SYN2: variants seen among roughly 807,000 people sequenced by gnomAD.
SYN2 encodes synapsin-2.
Under a neutral mutation model 50.9 loss-of-function variants are expected in SYN2, and 19 were observed. The observed-to-expected ratio is 0.37, with a 90% CI of 0.26 to 0.55. SYN2 has a LOEUF of 0.55. Ranked by LOEUF, SYN2 falls within the 20% of genes least tolerant of loss-of-function variation. The probability of loss-of-function intolerance (pLI) is 0.81; values close to 1 mark genes in which losing one functional copy is unlikely to be tolerated. For missense variants in SYN2, 587 were observed against 576.4 expected, an observed-to-expected ratio of 1.02 and a Z score of -0.19; for synonymous variants, 255 against 224.9, an observed-to-expected ratio of 1.13 and a Z score of -1.20.
intron 1 of SYN2, among the ~76,000 whole-genome samples, chr3:12,055,431 G>A (rs1229570933): frequency 6.6e-6 from 1 of 152,050 alleles, no homozygotes; most frequent in Non-Finnish European, 1.5e-5. Flanking sequence ...GCTCCATTTT[G>A]TGAAGTTATC....
chr3:12,106,001 C>T (rs188475564), intron 1 of SYN2, among the ~76,000 whole-genome samples: 26 of 152,294 alleles, frequency 1.7e-4, no homozygotes, highest in Admixed American at 1.7e-3. Context: ...TTCTTAGAAT[C>T]TCACAAGGGT....
chr3:12,098,389 T>A (rs1290176354), intron 1 of SYN2, among the ~76,000 whole-genome samples: 1 of 152,146 alleles, frequency 6.6e-6, no homozygotes. Context: ...GCATACAATA[T>A]ATAAAAATAC....
At chr3:12,024,755 C>A (rs1383983877) in intron 1 of SYN2, among the ~76,000 whole-genome samples, 1 of 152,148 alleles carries the variant, frequency 6.6e-6, no homozygotes, top group Non-Finnish European at 1.5e-5. Context: ...AATTTTTGTA[C>A]ATGATGTTGG....
Position 12,156,789 on chromosome 3 carries a change from A to G in SYN2, c.775-4757A>G, listed in dbSNP as rs370191065. ...CCTCCCCTAGGGCAGAATCTATTAT[A>G]TTAAGGCCAGTTGTTGGTCTTTTAA... On this transcript the variant is annotated intron_variant, in intron 5 of 12. Transcript: ENST00000621198. The G allele has an allele frequency of 6.8e-5, 106 of 1,567,452 alleles. 1 individual carries two copies. The African/African-American group carries it at 1.2e-3, about 18-fold the overall frequency.
intron 1 of SYN2, among the ~76,000 whole-genome samples, chr3:12,028,671 C>A (rs1366158494): frequency 1.4e-5 from 2 of 144,220 alleles, no homozygotes; most frequent in Admixed American, 1.3e-4. Flanking sequence ...GCATAAATGT[C>A]TTCTTTTGAG....
chr3:12,159,110 C>T (rs1697562112), intron 5 of SYN2: 3 of 435,722 alleles, frequency 6.9e-6, no homozygotes, highest in South Asian at 1.1e-4. Flanking sequence ...AGTCATGAAG[C>T]GATCTGGAAG....
At chr3:12,130,908 A>G (rs1696784937) in intron 1 of SYN2, among the ~76,000 whole-genome samples, 1 of 152,184 alleles carries the variant, frequency 6.6e-6, no homozygotes, top group Non-Finnish European at 1.5e-5. Context: ...ACTGCAGGAG[A>G]GGAGGTCAGG....
At chr3:12,070,126 C>G in intron 1 of SYN2, 1 of 292,924 alleles carries the variant, frequency 3.4e-6, no homozygotes, top group South Asian at 3.4e-5. Context: ...TATGCATTTT[C>G]CTGATGGTTA....
chr3:12,158,492 G>T (rs1214167601), intron 5 of SYN2, among the ~76,000 whole-genome samples: 1 of 152,178 alleles, frequency 6.6e-6, no homozygotes, highest in African/African-American at 2.4e-5. Context: ...AGTCCCTGAT[G>T]AAATCTTCAT....
rs546442659 is a variant in SYN2 at position 12,172,154 on chromosome 3, C to T, written c.1308+2248C>T. On this transcript the variant is annotated intron_variant, in intron 10 of 12. Coordinates refer to ENST00000621198, the MANE Select transcript of SYN2 (RefSeq NM_133625.6). ...GTCAGGACACACAAGGGCTAATCCT[C>T]ACTCTGCTATAACATTATGTGACCT... Among the ~76,000 whole-genome samples the T allele has an allele frequency of 6.6e-5, 10 of 152,336 alleles. No individual in the cohort carries two copies. The East Asian group carries it at 1.7e-3, about 26-fold the overall frequency.
At chr3:12,033,463 A>G (rs536154314) in intron 1 of SYN2, among the ~76,000 whole-genome samples, 1 of 152,124 alleles carries the variant, frequency 6.6e-6, no homozygotes, top group Non-Finnish European at 1.5e-5. Context: ...TGTGAGGCAG[A>G]CTAGGGTACG....
chr3:12,050,805 G>A (rs906973987), intron 1 of SYN2, among the ~76,000 whole-genome samples: 5 of 127,148 alleles, frequency 3.9e-5, no homozygotes, highest in Non-Finnish European at 7.9e-5. Flanking sequence ...GCGCGATCTC[G>A]GCTCACTGCA....
At chr3:12,116,302 GA>G (rs758093509) in intron 1 of SYN2, among the ~76,000 whole-genome samples, 3 of 152,306 alleles carry the variant, frequency 2.0e-5, no homozygotes, top group East Asian at 3.9e-4. Context: ...TGGAATTGGG[GA>G]GCATGATCAG....
At chr3:12,034,626 T>C (rs1436199562) in intron 1 of SYN2, among the ~76,000 whole-genome samples, 1 of 152,178 alleles carries the variant, frequency 6.6e-6, no homozygotes, top group Non-Finnish European at 1.5e-5. Context: ...TGGCATTACA[T>C]TGCACAAGAG....
chr3:12,085,749 G>A (rs1473986497), intron 1 of SYN2, among the ~76,000 whole-genome samples: 1 of 152,132 alleles, frequency 6.6e-6, no homozygotes, highest in Non-Finnish European at 1.5e-5. Context: ...ATGGGATGCA[G>A]CAAAAGCAGT....
intron 1 of SYN2, chr3:12,070,243 A>G (rs534714477): frequency 3.2e-4 from 142 of 442,070 alleles, no homozygotes; most frequent in Non-Finnish European, 5.1e-4. Context: ...AGAGATTGCC[A>G]TGCTGGTCAT....
intron 5 of SYN2, chr3:12,159,091 C>G: frequency 2.0e-6 from 1 of 493,336 alleles, no homozygotes. Context: ...ACCTCTGTTT[C>G]CCTGCCTAAG....
intron 1 of SYN2, among the ~76,000 whole-genome samples, chr3:12,050,980 C>A (rs1694848494): frequency 6.6e-6 from 1 of 151,472 alleles, no homozygotes; most frequent in African/African-American, 2.4e-5. Flanking sequence ...CATGATCCAC[C>A]CGCCTCGGCC....
intron 7 of SYN2, among the ~76,000 whole-genome samples, chr3:12,162,651 C>G (rs1042981238): frequency 6.6e-6 from 1 of 152,152 alleles, no homozygotes; most frequent in East Asian, 1.9e-4. Flanking sequence ...TATACAGTTA[C>G]ACATCTTATA....
Sources: allele counts gnomAD v4.1 joint callset (sites outside exome capture counted in the v4.1 genomes callset), GRCh38; gene constraint gnomAD v4.1.1; transcripts MANE v1.5; gene names NCBI Gene and HGNC (gene_info 2026-07-23, HGNC 2026-07-21).